TMEM117: variants seen among roughly 807,000 people sequenced by gnomAD.
TMEM117 encodes the protein transmembrane protein 117.
Under a neutral mutation model 52.4 loss-of-function variants are expected in TMEM117, and 27 were observed. The observed-to-expected ratio is 0.51, with a 90% confidence interval of 0.38 to 0.71. TMEM117 has a LOEUF of 0.71. Among genes scored for constraint, TMEM117 ranks in the 30% least tolerant of loss-of-function variants. The pLI is 0.00. For missense variants in TMEM117, 556 were observed against 630.5 expected (o/e 0.88, Z 1.26); for synonymous variants, 215 against 206.3 (o/e 1.04, Z -0.36).
intron 4 of TMEM117, among the ~76,000 whole-genome samples, chr12:44,202,967 A>G (rs1450144719): frequency 2.6e-5 from 4 of 151,444 alleles, no homozygotes; most frequent in Non-Finnish European, 5.9e-5. Context: ...TTTCTTTTTC[A>G]TATTTTTAGT....
At chr12:44,355,407 C>G (rs1192989234) in intron 6 of TMEM117, among the ~76,000 whole-genome samples, 1 of 152,018 alleles carries the variant, frequency 6.6e-6, no homozygotes, top group Non-Finnish European at 1.5e-5. Flanking sequence ...ACTTGAGATA[C>G]ACAGCATAAC....
At chr12:44,057,255 G>T (rs751940405) in intron 3 of TMEM117, among the ~76,000 whole-genome samples, 44 of 152,090 alleles carry the variant, frequency 2.9e-4, no homozygotes, top group Admixed American at 1.9e-3. Flanking sequence ...AAAATGTCTT[G>T]ATCACCTACT....
At chr12:44,180,789 C>T (rs370913263) in intron 4 of TMEM117, among the ~76,000 whole-genome samples, 110 of 151,992 alleles carry the variant, frequency 7.2e-4, no homozygotes, top group Non-Finnish European at 1.3e-3. Flanking sequence ...TCTTTGCTAT[C>T]GTGAATAATG....
intron 3 of TMEM117, among the ~76,000 whole-genome samples, chr12:44,121,285 G>A (rs896827718): frequency 5.3e-5 from 8 of 152,068 alleles, no homozygotes; most frequent in Admixed American, 5.2e-4. Context: ...AGTATCTTTT[G>A]GAGTATGAGT....
intron 2 of TMEM117, among the ~76,000 whole-genome samples, chr12:43,864,559 T>C (rs958079594): frequency 2.0e-5 from 3 of 152,150 alleles, no homozygotes; most frequent in Admixed American, 2.0e-4. Context: ...GCACTCTGTG[T>C]CTAGCTCAGG....
At chr12:44,191,248 T>A (rs920238173) in intron 4 of TMEM117, among the ~76,000 whole-genome samples, 2 of 152,046 alleles carry the variant, frequency 1.3e-5, no homozygotes, top group Admixed American at 1.3e-4. Context: ...ACCACTCCTA[T>A]GATTCAATTA....
At chr12:43,924,311 T>C (rs968875992) in intron 2 of TMEM117, among the ~76,000 whole-genome samples, 6 of 152,160 alleles carry the variant, frequency 3.9e-5, no homozygotes, top group Admixed American at 2.0e-4. Context: ...GCTTTATTAT[T>C]CATTGTTTGC....
intron 5 of TMEM117, among the ~76,000 whole-genome samples, chr12:44,266,183 T>C (rs1057381293): frequency 4.6e-5 from 7 of 152,274 alleles, no homozygotes; most frequent in Admixed American, 4.6e-4. Context: ...TATAGTAACA[T>C]TTAACATTTT....
rs1465158140 is a variant in TMEM117, at chr12:43,844,662, A to C, written c.11A>C (p.Asp4Ala). Residue 4 changes from aspartate to alanine, a missense_variant, in exon 2 of 8, where the codon GAC becomes GCC. Physicochemically the swap from Asp to Ala is moderately radical, Grantham distance 126 (BLOSUM62 -2). Around this residue, in one of 3 missense-constraint regions of TMEM117, gnomAD observed 328 missense variants for 371.4 expected, o/e 0.88. Transcript: ENST00000266534. ...TGGGAGTTCTGAAGAATGGGTAAAG[A>C]CTTTCGTTACTATTTCCAGCATCCC... is the stretch of plus-strand genomic sequence containing the variant. MGK[D>A]FRYYFQHPWS... 3 of 1,613,372 alleles carry C rather than the reference A, an allele frequency of 1.9e-6. No homozygotes were observed. Among genetic ancestry groups the C allele is most frequent in the Non-Finnish European group, 2.5e-6 (3 of 1,179,832 alleles).
chr12:44,356,380 A>G (rs1398948497), intron 6 of TMEM117, among the ~76,000 whole-genome samples: 1 of 152,130 alleles, frequency 6.6e-6, no homozygotes, highest in Non-Finnish European at 1.5e-5. Context: ...TAGTGTCAAC[A>G]GCATCTTTGG....
chr12:43,868,612 G>A (rs1943651157), intron 2 of TMEM117, among the ~76,000 whole-genome samples: 2 of 150,716 alleles, frequency 1.3e-5, no homozygotes, highest in Non-Finnish European at 3.0e-5. Context: ...AAATGCCTAT[G>A]GATCAAAGAA....
At chr12:43,835,111 T>C (rs1943007702), upstream of TMEM117, among the ~76,000 whole-genome samples, 3 of 152,224 alleles carry the variant, frequency 2.0e-5, no homozygotes, top group South Asian at 4.1e-4. Flanking sequence ...ATTAGCATGC[T>C]GGATAGCAGC....
At chr12:44,290,742 A>G (rs1392972849) in intron 5 of TMEM117, among the ~76,000 whole-genome samples, 1 of 152,150 alleles carries the variant, frequency 6.6e-6, no homozygotes, top group East Asian at 1.9e-4. Context: ...GACTCAAGCA[A>G]TCCTCCCACC....
intron 3 of TMEM117, among the ~76,000 whole-genome samples, chr12:44,096,712 T>C (rs1947770364): frequency 6.6e-6 from 1 of 152,082 alleles, no homozygotes; most frequent in Admixed American, 6.6e-5. Context: ...CAAAAATTAA[T>C]TCAAGATGGA....
the TMEM117 span, among the ~76,000 whole-genome samples, chr12:43,810,618 T>A: frequency 2.6e-5 from 4 of 152,166 alleles, no homozygotes; most frequent in East Asian, 3.8e-4. Context: ...CTGTATTTTT[T>A]AAAATAAATT....
At chr12:44,317,489 G>A (rs1007424899) in intron 6 of TMEM117, among the ~76,000 whole-genome samples, 6 of 151,880 alleles carry the variant, frequency 4.0e-5, no homozygotes, top group Non-Finnish European at 8.8e-5. Flanking sequence ...CTGCCTCCAG[G>A]GTTCAAGCAA....
intron 2 of TMEM117, among the ~76,000 whole-genome samples, chr12:43,920,844 A>T (rs996252746): frequency 6.6e-6 from 1 of 152,060 alleles, no homozygotes; most frequent in Non-Finnish European, 1.5e-5. Flanking sequence ...GTTATTTGTT[A>T]TGCTCAAAAT....
chr12:43,803,897 G>C, the TMEM117 span, among the ~76,000 whole-genome samples: 1 of 151,982 alleles, frequency 6.6e-6, no homozygotes, highest in Non-Finnish European at 1.5e-5. Flanking sequence ...ATTTATGACT[G>C]AGTACCTATA....
At chr12:43,843,162 A>ACCCTCTTCCCCCTCTTCC (rs368865786) in intron 1 of TMEM117, among the ~76,000 whole-genome samples, 1 of 151,988 alleles carries the variant, frequency 6.6e-6, no homozygotes, top group Non-Finnish European at 1.5e-5. Flanking sequence ...TTTGTAAAGG[A>ACCCTCTTCCCCCTCTTCC]CCCTCTTCCC....
Sources: gnomAD v4.1 joint callset for allele counts (sites outside exome capture counted in the v4.1 genomes callset) on GRCh38, gnomAD v4.1.1 for gene constraint, gnomAD v4.1.1 regional missense constraint, MANE v1.5 for transcripts, NCBI Gene and HGNC (gene_info 2026-07-23, HGNC 2026-07-21) for gene names.